Variants in CACNA1C observed in about 807,000 individuals in gnomAD.
CACNA1C encodes the protein calcium voltage-gated channel subunit alpha1 C.
Under a neutral mutation model 229.0 loss-of-function variants are expected in CACNA1C, and 30 were observed. The observed-to-expected ratio is 0.13, with a 90% CI of 0.10 to 0.18. The LOEUF (loss-of-function observed/expected upper bound fraction) is 0.18, where lower values mean the gene tolerates loss of function less well. CACNA1C is among the 10% of genes least tolerant of loss of function. The pLI, the probability that CACNA1C is intolerant of heterozygous loss-of-function variation, is 1.00. For synonymous variants in CACNA1C, 1,114 were observed against 1,132.5 expected (o/e 0.98, Z 0.33); for missense variants, 1,658 against 2,845.0 (o/e 0.58, Z 9.49).
intron 3 of CACNA1C, among the ~76,000 whole-genome samples, chr12:2,252,879 T>G (rs947530975): frequency 6.6e-6 from 1 of 151,942 alleles, no homozygotes; most frequent in Non-Finnish European, 1.5e-5. Flanking sequence ...TTTTTTTTTT[T>G]CAGTCTTTCC....
At chr12:2,213,347 A>G (rs12424245) in intron 3 of CACNA1C, among the ~76,000 whole-genome samples, 38,704 of 151,792 alleles carry the variant, frequency 0.25, 6,004 homozygotes, top group Non-Finnish European at 0.35. Flanking sequence ...GGCCACCACT[A>G]TCTTCGGGTA....
chr12:2,416,401 A>G lies in CACNA1C; in HGVS notation c.478-32575A>G, dbSNP rs1376913889. Among the ~76,000 whole-genome samples the G allele has an allele frequency of 3.3e-5, 5 of 152,084 alleles. No homozygotes were observed. The East Asian group carries it at 7.7e-4, about 23-fold the overall frequency. ...GGGAAGGAAGGAGGGAGGAAAAGAG[A>G]GGGGAAGGGAGGAAGAAAAAAGAGA... On this transcript the variant is annotated intron_variant, in intron 3 of 46. Coordinates refer to ENST00000399655, the MANE Select transcript of CACNA1C (RefSeq NM_000719.7).
At position 2,585,900 on chromosome 12, in the gene CACNA1C, T is replaced by C; in HGVS notation, c.2526T>C (p.Thr842=). 6.3e-7 allele frequency: 1 copy of C among 1,589,770 alleles called. No individual in the cohort carries two copies. Among genetic ancestry groups the C allele is most frequent in the Non-Finnish European group, 8.6e-7 (1 of 1,166,020 alleles). The part of the protein sequence containing the change: ...EDKSPYPNPE[T]TGEEDEEEPE... ...AGAGCCCCTACCCCAACCCAGAAAC[T>C]ACAGGTACCAGTCCCACTGCCTAAC... Residue 842 remains threonine, a synonymous_variant, in exon 18 of 47, where the codon ACT becomes ACC. Coordinates refer to ENST00000399655, the MANE Select transcript of CACNA1C (RefSeq NM_000719.7). The surrounding 1 kb of genome is among the most constrained non-coding windows in gnomAD (Gnocchi z 4.1).
Position 2,607,010 on chromosome 12 carries a change from G to A in CACNA1C, c.3236G>A (p.Gly1079Glu). 6.2e-7 allele frequency: 1 copy of A among 1,613,990 alleles called. No individual in the cohort carries two copies. Among genetic ancestry groups the A allele is most frequent in the South Asian group, 1.1e-5 (1 of 91,070 alleles). The change falls in exon 26 of 47, where the codon GGG (glycine) becomes GAG (glutamate). Residue 1079 changes from glycine (G) to glutamate (E), a missense_variant. By Grantham distance (98) the Gly-to-Glu change is moderately conservative. Transcript: ENST00000399655. ...CKGNYITYKD[G>E]EVDHPIIQPR... is the part of the protein sequence containing the mutation. ...GGCAACTACATCACGTACAAAGACG[G>A]GGAGGTTGACCACCCCATCATCCAA...
chr12:2,609,532 C>A (rs981291200), intron 27 of CACNA1C, among the ~76,000 whole-genome samples: 1 of 149,702 alleles, frequency 6.7e-6, no homozygotes, highest in African/African-American at 2.5e-5. Flanking sequence ...GAGAGGAGGC[C>A]AGTTAGAAAG....
rs143832525 is a variant in CACNA1C at position 1,986,006 on chromosome 12, A to G, written c.139+14805A>G. Among the ~76,000 whole-genome samples, 1,050 of 151,944 alleles carry G rather than the reference A, an allele frequency of 6.9e-3. 6 individuals carry two copies. The highest frequency in any genetic ancestry group is 0.026 in the East Asian group (135 of 5,146). On this transcript the variant is annotated intron_variant, in intron 1 of 46. Transcript: ENST00000682462. ...TGTTTTGTATTTTTAGTAGAGATGGAGTTTCACCGTGTTAGCCAGGATGGT... is the reference window on the plus strand; with the variant it reads ...TGTTTTGTATTTTTAGTAGAGATGGGGTTTCACCGTGTTAGCCAGGATGGT...
chr12:2,584,938 C>G (rs2061856321), intron 16 of CACNA1C, among the ~76,000 whole-genome samples: 1 of 152,180 alleles, frequency 6.6e-6, no homozygotes, highest in East Asian at 1.9e-4. Context: ...GGAAACGCAG[C>G]TCCAGCTTAC....
chr12:2,441,336 G>T (rs116076243), intron 3 of CACNA1C, among the ~76,000 whole-genome samples: 1,905 of 152,280 alleles, frequency 0.013, 51 homozygotes, highest in African/African-American at 0.044. Flanking sequence ...AGACACTTCA[G>T]TCAGTCTCTC....
At chr12:2,500,100 C>T (rs1320147726) in intron 7 of CACNA1C, among the ~76,000 whole-genome samples, 1 of 152,210 alleles carries the variant, frequency 6.6e-6, no homozygotes, top group Admixed American at 6.5e-5. Flanking sequence ...ACCACCCTGG[C>T]CTCGTCCGTC....
At chr12:2,591,082 G>T (rs1194863661) in intron 18 of CACNA1C, among the ~76,000 whole-genome samples, 3 of 152,120 alleles carry the variant, frequency 2.0e-5, no homozygotes, top group Non-Finnish European at 4.4e-5. Flanking sequence ...TAATTGTCTT[G>T]CTGGTCAGCT....
intron 3 of CACNA1C, among the ~76,000 whole-genome samples, chr12:2,252,347 A>C (rs746149856): frequency 5.5e-4 from 84 of 152,334 alleles, no homozygotes; most frequent in Non-Finnish European, 1.1e-3. Flanking sequence ...TGGCCTCTGC[A>C]ATCTGGCCAC....
At chr12:2,609,866 G>A (rs2076875770) in intron 27 of CACNA1C, among the ~76,000 whole-genome samples, 1 of 152,290 alleles carries the variant, frequency 6.6e-6, no homozygotes, top group East Asian at 1.9e-4. Context: ...GCTCATGCCT[G>A]TAATCCCAGC....
At chr12:2,475,953 G>GT (rs2099625239) in intron 5 of CACNA1C, among the ~76,000 whole-genome samples, 1 of 152,156 alleles carries the variant, frequency 6.6e-6, no homozygotes, top group Non-Finnish European at 1.5e-5. Context: ...ATCATACATT[G>GT]TAACATCCCC....
At chr12:2,110,935 A>G (rs958086621) in intron 1 of CACNA1C, among the ~76,000 whole-genome samples, 1 of 151,746 alleles carries the variant, frequency 6.6e-6, no homozygotes, top group Non-Finnish European at 1.5e-5. Flanking sequence ...CCGAGAGGCC[A>G]TACCTGTCTC....
intron 3 of CACNA1C, among the ~76,000 whole-genome samples, chr12:2,187,890 C>A (rs2097093828): frequency 6.6e-6 from 1 of 152,210 alleles, no homozygotes; most frequent in Non-Finnish European, 1.5e-5. Context: ...GTCTGCTGCC[C>A]CCAGGACGGG....
At chr12:2,429,386 C>T (rs773791151) in intron 3 of CACNA1C, among the ~76,000 whole-genome samples, 6 of 152,288 alleles carry the variant, frequency 3.9e-5, no homozygotes, top group African/African-American at 4.8e-5. Context: ...GCGCTCTCCT[C>T]GGCTAACAGA....
intron 1 of CACNA1C, among the ~76,000 whole-genome samples, chr12:2,093,033 G>A (rs1236443646): frequency 2.0e-5 from 3 of 152,208 alleles, no homozygotes; most frequent in East Asian, 3.8e-4. Context: ...TGCAAACCCC[G>A]CACTCTGGCA....
intron 7 of CACNA1C, among the ~76,000 whole-genome samples, chr12:2,497,920 G>T (rs974091062): frequency 6.7e-6 from 1 of 149,510 alleles, no homozygotes; most frequent in Non-Finnish European, 1.5e-5. Flanking sequence ...CCTTCATCTT[G>T]CCATCCCACT....
intron 27 of CACNA1C, among the ~76,000 whole-genome samples, chr12:2,609,275 CGTG>C (rs1391780845): frequency 2.0e-5 from 3 of 152,046 alleles, no homozygotes; most frequent in East Asian, 3.9e-4. Flanking sequence ...AGGAAGCTGT[CGTG>C]GTGGGAGGTA....
Sources: gnomAD v4.1 joint callset for allele counts (sites outside exome capture counted in the v4.1 genomes callset) on GRCh38, gnomAD v4.1.1 for gene constraint, Gnocchi (gnomAD v3.1) non-coding constraint, MANE v1.5 for transcripts, NCBI Gene and HGNC (gene_info 2026-07-23, HGNC 2026-07-21) for gene names.